The following CPNE9 variants were observed in gnomAD, a reference collection of about 807,000 sequenced individuals.
The protein encoded by CPNE9 is copine family member 9, also known as copine-9.
Under a neutral mutation model 83.0 loss-of-function variants are expected in CPNE9, and 59 were observed. The observed-to-expected ratio is 0.71, with a 90% CI of 0.58 to 0.88. The LOEUF (loss-of-function observed/expected upper bound fraction) is 0.88, where lower values mean the gene tolerates loss of function less well. CPNE9 is among the 40% of genes least tolerant of loss of function. The pLI is 0.00. For missense variants in CPNE9, 619 were observed against 720.8 expected (o/e 0.86, Z 1.62); for synonymous variants, 256 against 273.4 (o/e 0.94, Z 0.63).
In CPNE9 at chr3:9,704,832, C is replaced by T; in HGVS notation, c.156+37C>T. 6.2e-7 allele frequency: 1 copy of T among 1,600,982 alleles called. No homozygotes were observed. The highest frequency in any genetic ancestry group is 2.3e-5 in the East Asian group (1 of 44,442). On this transcript the variant is annotated intron_variant, in intron 3 of 20. Coordinates refer to ENST00000383832, the MANE Select transcript of CPNE9 (RefSeq NM_153635.3). The surrounding 1 kb of genome is among the most constrained non-coding windows in gnomAD (Gnocchi z 7.1). ...AGCCCCCTCCCGGCCCAGGGCGTCG[C>T]CCGGGAATTCCCCTGCCCGTCTGCA...
intron 4 of CPNE9, 25 bp from the exon 5 acceptor site, chr3:9,705,439 C>CCCCCCCCCCCGG: frequency 6.7e-7 from 1 of 1,500,064 alleles, no homozygotes; most frequent in Non-Finnish European, 9.1e-7. Context: ...AGCCCCACCC[C>CCCCCCCCCCCGG]ACACCGGTTC....
At chr3:9,718,243 C>T in intron 16 of CPNE9, 33 bp downstream of exon 16, 1 of 1,563,100 alleles carries the variant, frequency 6.4e-7, no homozygotes, top group Non-Finnish European at 8.7e-7. Context: ...CCCTCCGTGC[C>T]CTGGCATCTG....
chr3:9,728,660 A>C (rs1160642479), intron 20 of CPNE9, among the ~76,000 whole-genome samples: 5 of 152,134 alleles, frequency 3.3e-5, no homozygotes, highest in Non-Finnish European at 7.3e-5. Flanking sequence ...ATAAAACATA[A>C]TTTTTTGAAA....
intron 7 of CPNE9, among the ~76,000 whole-genome samples, chr3:9,708,222 G>A (rs1264876494): frequency 1.3e-5 from 2 of 152,192 alleles, no homozygotes; most frequent in African/African-American, 4.8e-5. Flanking sequence ...AAAGTGCTGG[G>A]ATTATAGGCA....
At chr3:9,724,450 C>T (rs1476968989) in intron 17 of CPNE9, among the ~76,000 whole-genome samples, 1 of 152,100 alleles carries the variant, frequency 6.6e-6, no homozygotes, top group African/African-American at 2.4e-5. Context: ...AGCCTTTGCT[C>T]TCGCTCATAT....
chr3:9,727,731 G>C (rs531850793), intron 20 of CPNE9, among the ~76,000 whole-genome samples: 1 of 152,316 alleles, frequency 6.6e-6, no homozygotes, highest in South Asian at 2.1e-4. Flanking sequence ...GAATTGGAAA[G>C]CTCTTGAAGG....
At position 9,703,855 on chromosome 3, in the gene CPNE9, G is replaced by A. The variant is rs2076529651; in HGVS notation, c.-142G>A. On this transcript the variant is annotated 5_prime_UTR_variant, in exon 1 of 21. Coordinates refer to ENST00000383832, the MANE Select transcript of CPNE9 (RefSeq NM_153635.3). ...GCCACTGTCAGGGCGCGAGCGGCTG[G>A]AGCGCACGCAGGGCTGGAGCGAGTG... 9.7e-6 allele frequency: 5 copies of A among 516,382 alleles called. No homozygotes were observed. The highest frequency in any genetic ancestry group is 6.1e-5 in the African/African-American group (3 of 48,864). The allele number at this position is 516,382 out of a possible 1,614,324, so 32.0% of individuals were successfully genotyped here.
chr3:9,720,536 C>A (rs1205590485), intron 17 of CPNE9, among the ~76,000 whole-genome samples: 1 of 152,074 alleles, frequency 6.6e-6, no homozygotes, highest in East Asian at 1.9e-4. Flanking sequence ...ATAATAGATT[C>A]TTTAATCATA....
chr3:9,710,450 T>C (rs1171698037), intron 7 of CPNE9, among the ~76,000 whole-genome samples: 7 of 152,142 alleles, frequency 4.6e-5, no homozygotes, highest in African/African-American at 1.4e-4. Flanking sequence ...AACAAGGTCA[T>C]TGGCTGAGAA....
At position 9,726,665 on chromosome 3, in the gene CPNE9, G is replaced by A. The variant is rs992596126; in HGVS notation, c.1345G>A (p.Ala449Thr). ...ACAGTTCACCCTCTTTCCCCTACAGGCCTCCTCATTGCCCATGTCTATCAT... is the reference window on the plus strand; with the variant it reads ...ACAGTTCACCCTCTTTCCCCTACAGACCTCCTCATTGCCCATGTCTATCAT... ...MTQTKEAIVS[A>T]SSLPMSIIIV... The change falls in exon 19 of 21, where the codon GCC becomes ACC. Residue 449 changes from alanine to threonine, a missense_variant and splice_region_variant. Ala to Thr is a moderately conservative substitution (Grantham distance 58, BLOSUM62 0). This residue lies in a region of CPNE9 where 438 missense variants were observed against 562.9 expected (regional missense o/e 0.78). Transcript: ENST00000383832. 6.2e-7 allele frequency: 1 copy of A among 1,613,632 alleles called. No individual in the cohort carries two copies. Among genetic ancestry groups the A allele is most frequent in the Non-Finnish European group, 8.5e-7 (1 of 1,179,624 alleles).
chr3:9,708,229 G>C (rs1346999380), intron 7 of CPNE9, among the ~76,000 whole-genome samples: 1 of 152,208 alleles, frequency 6.6e-6, no homozygotes, highest in Non-Finnish European at 1.5e-5. Context: ...TGGGATTATA[G>C]GCATGAGCCA....
rs1005057554 is a variant in CPNE9 at position 9,715,856 on chromosome 3, G to A, written c.823-118G>A. On this transcript the variant is annotated intron_variant, in intron 13 of 20. Transcript: ENST00000383832. ...ACAGGGTGGGACTGACTGGGGGAGCGGGTGGAATCATGTGCCTCCCATCAC... is the reference window on the plus strand; with the variant it reads ...ACAGGGTGGGACTGACTGGGGGAGCAGGTGGAATCATGTGCCTCCCATCAC... 3.8e-5 allele frequency: 30 copies of A among 799,188 alleles called. No individual in the cohort carries two copies. The East Asian group carries it at 4.0e-4, about 11-fold the overall frequency. 49.5% of individuals were successfully genotyped at this position (799,188 alleles called of 1,614,324 possible).
intron 10 of CPNE9, 68 bp downstream of exon 10, chr3:9,713,147 A>G: frequency 8.5e-7 from 1 of 1,176,708 alleles, no homozygotes; most frequent in Non-Finnish European, 1.3e-6. Flanking sequence ...GGGCCCAAGA[A>G]TGATAGTAGA....
At chr3:9,705,754 G>A (rs1255681740) in intron 6 of CPNE9, 34 bp downstream of exon 6, 2 of 1,607,108 alleles carry the variant, frequency 1.2e-6, no homozygotes, top group East Asian at 2.2e-5. Context: ...GAGGTTGGGG[G>A]TGGGGGTGGT....
rs775616430 is a variant in CPNE9 at position 9,704,880 on chromosome 3, C to A, written c.157-11C>A. 1.9e-6 allele frequency: 3 copies of A among 1,610,274 alleles called. No homozygotes were observed. Among genetic ancestry groups the A allele is most frequent in the South Asian group, 1.1e-5 (1 of 90,906 alleles). On this transcript the variant is annotated splice_polypyrimidine_tract_variant and intron_variant, in intron 3 of 20. Coordinates refer to ENST00000383832, the MANE Select transcript of CPNE9 (RefSeq NM_153635.3). The surrounding 1 kb of genome is among the most constrained non-coding windows in gnomAD (Gnocchi z 7.1). ...GCACGTCCCACGCTGACCCTCCACC[C>A]CCCTACCCAGTTCGGACGGACCGAG...
intron 9 of CPNE9, 44 bp from the exon 10 acceptor site, chr3:9,712,931 C>T (rs768318945): frequency 4.6e-5 from 72 of 1,579,520 alleles, no homozygotes; most frequent in South Asian, 1.0e-4. Context: ...AGTCCTACCC[C>T]GGGCACGAGA....
At chr3:9,707,935 T>C (rs1270260709) in intron 7 of CPNE9, among the ~76,000 whole-genome samples, 1 of 152,008 alleles carries the variant, frequency 6.6e-6, no homozygotes, top group Non-Finnish European at 1.5e-5. Flanking sequence ...GTCTTGGATG[T>C]TGGTTTTGTT....
intron 14 of CPNE9, 83 bp downstream of exon 14, chr3:9,716,118 T>C: frequency 8.2e-7 from 1 of 1,219,724 alleles, no homozygotes; most frequent in African/African-American, 1.5e-5. Context: ...TATTTATGAA[T>C]GGTCAGGGCC....
rs200367791 is a variant in CPNE9 at position 9,724,315 on chromosome 3, G to A, written c.1242-1634G>A. Among the ~76,000 whole-genome samples the A allele has an allele frequency of 4.6e-5, 7 of 152,022 alleles. No individual in the cohort carries two copies. In the South Asian group the frequency reaches 8.3e-4, roughly 18 times the overall value. On this transcript the variant is annotated intron_variant, in intron 17 of 20. Coordinates refer to ENST00000383832, the MANE Select transcript of CPNE9 (RefSeq NM_153635.3). ...GAGAGAAGGAAAAGGAGCTCTGGAA[G>A]CAGCTGTTAGATTGGCAGGGGGAGG...
Sources: allele counts gnomAD v4.1 joint callset (sites outside exome capture counted in the v4.1 genomes callset), GRCh38; gene constraint gnomAD v4.1.1; regional missense constraint gnomAD v4.1.1; non-coding constraint Gnocchi (gnomAD v3.1); transcripts MANE v1.5; gene names NCBI Gene and HGNC (gene_info 2026-07-23, HGNC 2026-07-21).